PTP4A2: variants seen among roughly 807,000 people sequenced by gnomAD.
PTP4A2 encodes protein tyrosine phosphatase 4A2.
A neutral mutation model predicts 22.9 loss-of-function variants in PTP4A2; 2 were observed. The ratio of observed to expected loss-of-function variants is 0.09; its 90% CI spans 0.04 to 0.27. The LOEUF is 0.27. Ranked by LOEUF, PTP4A2 falls within the 10% of genes least tolerant of loss-of-function variation. PTP4A2 has a pLI of 1.00. For synonymous variants in PTP4A2, 68 were observed against 69.1 expected (o/e 0.98, Z 0.08); for missense variants, 103 against 205.1 (o/e 0.50, Z 3.04).
intron 3 of PTP4A2, among the ~76,000 whole-genome samples, chr1:31,913,305 T>G (rs1170573825): frequency 1.3e-5 from 2 of 152,274 alleles, no homozygotes; most frequent in African/African-American, 2.4e-5. Context: ...AATTCCAAGC[T>G]TAAGGCTAAA....
chr1:31,935,062 A>C (rs138876972), intron 1 of PTP4A2, among the ~76,000 whole-genome samples: 2 of 152,252 alleles, frequency 1.3e-5, no homozygotes, highest in African/African-American at 4.8e-5. Flanking sequence ...AAGTGCTTTC[A>C]CGTGTATTTT....
chr1:31,912,324 A>T (rs1438534983), intron 3 of PTP4A2, among the ~76,000 whole-genome samples: 1 of 152,222 alleles, frequency 6.6e-6, no homozygotes, highest in Non-Finnish European at 1.5e-5. Context: ...TTATCTGATA[A>T]GAAATCTCCA....
At chr1:31,914,246 T>TA (rs1434217123) in intron 3 of PTP4A2, 2 of 455,748 alleles carry the variant, frequency 4.4e-6, no homozygotes, top group Non-Finnish European at 8.8e-6. Context: ...TTTGTATTTT[T>TA]CGGAGAGACA....
rs1651324455 is a variant in PTP4A2 at position 31,908,176 on chromosome 1, A to T, written c.*676T>A. The T allele has an allele frequency of 8.9e-5, 1 of 11,228 alleles. No homozygotes were observed. The highest frequency in any genetic ancestry group is 4.6e-4 in the African/African-American group (1 of 2,174). The allele number at this position is 11,228 out of a possible 1,614,324, so 0.7% of individuals were successfully genotyped here. On this transcript the variant is annotated 3_prime_UTR_variant, in exon 6 of 6. Transcript: ENST00000647444. ...TATATATATATATATATATATATAT[A>T]TATATATATATATATATATATATAT...
At position 31,906,736 on chromosome 1, in the gene PTP4A2, GCA is replaced by G. The variant is rs138545171; in HGVS notation, c.*2114_*2115del. ...ACTGATACTGATGGACACTGCGCGT[GCA>G]CACACACACACACACATACACACAC... On this transcript the variant is annotated 3_prime_UTR_variant, in exon 6 of 6. Coordinates refer to ENST00000647444, the MANE Select transcript of PTP4A2 (RefSeq NM_080391.4). 289 of 131,206 alleles carry G rather than the reference GCA, an allele frequency of 2.2e-3. No homozygotes were observed. Among genetic ancestry groups the G allele is most frequent in the African/African-American group, 6.6e-3 (222 of 33,806 alleles). The allele number at this position is 131,206 out of a possible 1,614,324, so 8.1% of individuals were successfully genotyped here.
chr1:31,920,977 T>C (rs1287950913), intron 1 of PTP4A2, among the ~76,000 whole-genome samples: 1 of 152,170 alleles, frequency 6.6e-6, no homozygotes, highest in African/African-American at 2.4e-5. Context: ...ACTTTGAGGA[T>C]TTTATTCTTT....
intron 1 of PTP4A2, among the ~76,000 whole-genome samples, chr1:31,936,281 A>C (rs184812817): frequency 6.6e-6 from 1 of 152,160 alleles, no homozygotes; most frequent in Admixed American, 6.5e-5. Context: ...TCTACTAAAA[A>C]TATGAAAATT....
intron 1 of PTP4A2, chr1:31,933,174 G>C (rs1652794034): frequency 6.6e-6 from 1 of 152,002 alleles, no homozygotes; most frequent in Admixed American, 6.6e-5. Context: ...GCTAGTTTTT[G>C]TATTTTTTGT....
chr1:31,926,101 C>T (rs1652441543), intron 1 of PTP4A2, among the ~76,000 whole-genome samples: 1 of 143,932 alleles, frequency 6.9e-6, no homozygotes, highest in African/African-American at 2.6e-5. Context: ...TGCACTCCAG[C>T]CTGGCCACAG....
rs573593418 is a variant in PTP4A2, at chr1:31,918,689, C to G, written c.96+281G>C. 7.2e-5 allele frequency among the ~76,000 whole-genome samples: 11 copies of G among 152,254 alleles called. No individual in the cohort carries two copies. In the South Asian group the frequency reaches 2.1e-3, roughly 29 times the overall value. Reference sequence around the variant, plus strand: ...GTTTGTTATAATGCTAAGTGCATATCGTGGTCAATAAATGTTAATTATCAT... The same window carrying G: ...GTTTGTTATAATGCTAAGTGCATATGGTGGTCAATAAATGTTAATTATCAT... On this transcript the variant is annotated intron_variant, in intron 2 of 5. Coordinates refer to ENST00000647444, the MANE Select transcript of PTP4A2 (RefSeq NM_080391.4).
At chr1:31,933,100 C>T (rs1652790482) in intron 1 of PTP4A2, 1 of 152,160 alleles carries the variant, frequency 6.6e-6, no homozygotes, top group Non-Finnish European at 1.5e-5. Flanking sequence ...CTCCCAGGCT[C>T]CAGTGATCCT....
intron 1 of PTP4A2, among the ~76,000 whole-genome samples, chr1:31,931,377 G>C (rs188132608): frequency 1.3e-5 from 2 of 152,226 alleles, no homozygotes; most frequent in East Asian, 3.9e-4. Flanking sequence ...AGCCTTGACC[G>C]GGCTGAGAAT....
chr1:31,925,973 AC>A (rs1365931636), intron 1 of PTP4A2, among the ~76,000 whole-genome samples: 1 of 151,198 alleles, frequency 6.6e-6, no homozygotes, highest in Non-Finnish European at 1.5e-5. Context: ...TACTAAAAAT[AC>A]AAAAATTAGC....
At chr1:31,927,655 T>C (rs1652529155) in intron 1 of PTP4A2, among the ~76,000 whole-genome samples, 1 of 152,100 alleles carries the variant, frequency 6.6e-6, no homozygotes, top group Non-Finnish European at 1.5e-5. Flanking sequence ...TAGACCAGGG[T>C]AACAGCAGTA....
chr1:31,911,002 T>C (rs1433101511), intron 4 of PTP4A2: 1 of 152,222 alleles, frequency 6.6e-6, no homozygotes, highest in East Asian at 1.9e-4. Flanking sequence ...CTACTAGTTA[T>C]AAAACTGCCA....
At position 31,908,131 on chromosome 1, in the gene PTP4A2, T is replaced by TTTG. The variant is rs1651288875; in HGVS notation, c.*720_*721insCAA. On this transcript the variant is annotated 3_prime_UTR_variant, in exon 6 of 6. Coordinates refer to ENST00000647444, the MANE Select transcript of PTP4A2 (RefSeq NM_080391.4). ...CCTGGAAAATATATATATATATATA[T>TTTG]ATATTATATTATATATATATATATA... 1 of 4,326 alleles carries TTTG rather than the reference T, an allele frequency of 2.3e-4. No individual in the cohort carries two copies. The highest frequency in any genetic ancestry group is 7.2e-4 in the African/African-American group (1 of 1,380). 0.3% of individuals were successfully genotyped at this position (4,326 alleles called of 1,614,324 possible). A position where few individuals can be genotyped will look rare whatever the true frequency, so the allele number is the denominator to read the frequency against.
At chr1:31,913,980 C>T in intron 3 of PTP4A2, 1 of 425,648 alleles carries the variant, frequency 2.3e-6, no homozygotes, top group South Asian at 1.7e-5. Context: ...GACATGTTTA[C>T]ACTCATTCCC....
In PTP4A2 at chr1:31,938,061, T is replaced by TCGGCGG. The variant is rs959113845; in HGVS notation, c.-674_-669dup. On this transcript the variant is annotated 5_prime_UTR_variant, in exon 1 of 6. Coordinates refer to ENST00000647444, the MANE Select transcript of PTP4A2 (RefSeq NM_080391.4). The surrounding 1 kb of genome is among the most constrained non-coding windows in gnomAD (Gnocchi z 4.4). ...GGAGGCGCCTCTCTCCTCAGTCACCTCGGCGGCGGCGGCGGCGGCGGTAGC... is the reference window on the plus strand; with the variant it reads ...GGAGGCGCCTCTCTCCTCAGTCACCTCGGCGGCGGCGGCGGCGGCGGCGGCGGTAGC... 1.4e-4 allele frequency: 21 copies of TCGGCGG among 148,048 alleles called. No individual in the cohort carries two copies. Among genetic ancestry groups the TCGGCGG allele is most frequent in the South Asian group, 8.1e-4 (4 of 4,940 alleles). The allele number at this position is 148,048 out of a possible 1,614,324, so 9.2% of individuals were successfully genotyped here.
chr1:31,908,140 T>A lies in PTP4A2; in HGVS notation c.*712A>T, dbSNP rs1439061612. The A allele has an allele frequency of 0.046, 19 of 412 alleles. 2 individuals carry two copies. Among genetic ancestry groups the A allele is most frequent in the Non-Finnish European group, 0.083 (18 of 216 alleles). 0.0% of individuals were successfully genotyped at this position (412 alleles called of 1,614,324 possible). ...TATATATATATATATATATATTATA[T>A]TATATATATATATATATATATATAT... On this transcript the variant is annotated 3_prime_UTR_variant, in exon 6 of 6. Coordinates refer to ENST00000647444, the MANE Select transcript of PTP4A2 (RefSeq NM_080391.4).
Sources: allele counts gnomAD v4.1 joint callset (sites outside exome capture counted in the v4.1 genomes callset), GRCh38; gene constraint gnomAD v4.1.1; non-coding constraint Gnocchi (gnomAD v3.1); transcripts MANE v1.5; gene names NCBI Gene and HGNC (gene_info 2026-07-23, HGNC 2026-07-21).